Variants in GTF3C1 observed in about 807,000 individuals in gnomAD.
GTF3C1 encodes general transcription factor IIIC subunit 1.
GTF3C1 carries 57 observed loss-of-function variants against 226.7 expected under a neutral mutation model. That is an observed-to-expected ratio of 0.25 (90% CI 0.20 to 0.31). GTF3C1 has a LOEUF of 0.31. Among genes scored for constraint, GTF3C1 ranks in the 10% least tolerant of loss-of-function variants. The pLI, the probability that GTF3C1 is intolerant of heterozygous loss-of-function variation, is 1.00. For missense variants in GTF3C1, 2,217 were observed against 2,776.1 expected (o/e 0.80, Z 4.53); for synonymous variants, 1,090 against 1,084.8 (o/e 1.00, Z -0.09).
chr16:27,547,931 G>T (rs2089187680), intron 1 of GTF3C1, among the ~76,000 whole-genome samples: 1 of 152,130 alleles, frequency 6.6e-6, no homozygotes, highest in Non-Finnish European at 1.5e-5. Context: ...TAGGTTAAAA[G>T]ACTTGATTCC....
intron 29 of GTF3C1, among the ~76,000 whole-genome samples, chr16:27,472,606 G>A (rs2087892847): frequency 6.6e-6 from 1 of 152,194 alleles, no homozygotes; most frequent in Non-Finnish European, 1.5e-5. Context: ...CCACCACTCT[G>A]GCCTCACGTC....
In GTF3C1 at chr16:27,464,308, G is replaced by A. The variant is rs2087749359; in HGVS notation, c.5872+12C>T. The A allele has an allele frequency of 3.5e-6, 5 of 1,444,962 alleles. No individual in the cohort carries two copies. Among genetic ancestry groups the A allele is most frequent in the African/African-American group, 1.5e-5 (1 of 68,032 alleles). 89.5% of individuals were successfully genotyped at this position (1,444,962 alleles called of 1,614,324 possible). A position where few individuals can be genotyped will look rare whatever the true frequency, so the allele number is the denominator to read the frequency against. On this transcript the variant is annotated intron_variant, in intron 34 of 36. Coordinates refer to ENST00000356183, the MANE Select transcript of GTF3C1 (RefSeq NM_001520.4). ...TGGGGTGAGGTGGGGTGGGGGACAA[G>A]GCGCGCGGTACCTCTGGGGTCTTCA... is the stretch of plus-strand genomic sequence containing the variant.
intron 33 of GTF3C1, 57 bp from the exon 34 acceptor site, chr16:27,464,893 T>C: frequency 7.2e-7 from 1 of 1,391,596 alleles, no homozygotes; most frequent in Non-Finnish European, 9.5e-7. Flanking sequence ...TCCACGCTGG[T>C]GACGGGGGAC....
intron 19 of GTF3C1, 133 bp from the exon 20 acceptor site, chr16:27,489,876 T>C (rs2088207528): frequency 8.8e-6 from 7 of 791,174 alleles, no homozygotes; most frequent in Non-Finnish European, 1.2e-5. Context: ...TGCGGGGGTC[T>C]GAGATTGGTA....
intron 12 of GTF3C1, among the ~76,000 whole-genome samples, chr16:27,500,958 G>A (rs1161194215): frequency 6.6e-6 from 1 of 152,182 alleles, no homozygotes; most frequent in Non-Finnish European, 1.5e-5. Flanking sequence ...TGACCACAGG[G>A]CTGGATGCCT....
At chr16:27,476,571 C>G (rs2087953274) in intron 28 of GTF3C1, 27 bp from the exon 29 acceptor site, 2 of 1,294,506 alleles carry the variant, frequency 1.5e-6, no homozygotes, top group Admixed American at 3.4e-5. Context: ...AGCAGGGCAC[C>G]ATGAGACCAC....
intron 12 of GTF3C1, among the ~76,000 whole-genome samples, chr16:27,499,949 G>A (rs16976839): frequency 0.021 from 3,152 of 152,206 alleles, 60 homozygotes; most frequent in East Asian, 0.089. Context: ...CCTTCCAGCC[G>A]GAAAAACCAG....
Position 27,464,673 on chromosome 16 carries a change from G to C in GTF3C1, c.5519C>G (p.Ser1840Cys). 6.4e-7 allele frequency: 1 copy of C among 1,553,972 alleles called. No individual in the cohort carries two copies. Residue 1840 changes from serine (S) to cysteine (C), a missense_variant, in exon 34 of 37, where the codon TCT (serine) becomes TGT (cysteine). Coordinates refer to ENST00000356183, the MANE Select transcript of GTF3C1 (RefSeq NM_001520.4). ...EDPQARPLEG[S>C]SSEDSPPEGQ... ...CTCGGGGGGGCTGTCCTCACTGGAA[G>C]ACCCCTCCAGGGGTCTGGCCTGGGG...
At chr16:27,526,615 C>T (rs2088837723) in intron 6 of GTF3C1, among the ~76,000 whole-genome samples, 1 of 152,218 alleles carries the variant, frequency 6.6e-6, no homozygotes, top group Non-Finnish European at 1.5e-5. Flanking sequence ...TTGGCTATCG[C>T]CCTTCACAGG....
intron 2 of GTF3C1, among the ~76,000 whole-genome samples, chr16:27,540,181 C>G (rs528493106): frequency 6.6e-6 from 1 of 152,320 alleles, no homozygotes; most frequent in African/African-American, 2.4e-5. Flanking sequence ...AAAAAAGAGG[C>G]TGTTTTAACT....
At chr16:27,543,854 T>C (rs769984242) in intron 2 of GTF3C1, among the ~76,000 whole-genome samples, 17 of 152,162 alleles carry the variant, frequency 1.1e-4, no homozygotes, top group Non-Finnish European at 2.2e-4. Context: ...ACAGTGTTCA[T>C]GGCCCCATGG....
intron 12 of GTF3C1, 43 bp from the exon 13 acceptor site, chr16:27,498,776 C>T (rs2088359612): frequency 1.1e-6 from 1 of 913,254 alleles, no homozygotes; most frequent in Non-Finnish European, 1.8e-6. Flanking sequence ...GAGGGAAGAG[C>T]TGAGGAAGAC....
At chr16:27,481,459 G>A (rs1384855898) in intron 26 of GTF3C1, among the ~76,000 whole-genome samples, 1 of 151,952 alleles carries the variant, frequency 6.6e-6, no homozygotes, top group Non-Finnish European at 1.5e-5. Flanking sequence ...ACCCTGCATC[G>A]CTGGCACTCT....
At chr16:27,513,256 C>T (rs2088604088) in intron 6 of GTF3C1, among the ~76,000 whole-genome samples, 1 of 152,102 alleles carries the variant, frequency 6.6e-6, no homozygotes, top group African/African-American at 2.4e-5. Context: ...GAGTTTGACA[C>T]CAGCCTTGGC....
chr16:27,517,573 G>A (rs932522989), intron 6 of GTF3C1, among the ~76,000 whole-genome samples: 10 of 152,226 alleles, frequency 6.6e-5, no homozygotes, highest in Admixed American at 1.3e-4. Flanking sequence ...GGCACGAGGA[G>A]TTTCAGGCAT....
chr16:27,529,603 T>G (rs184523873), intron 5 of GTF3C1, among the ~76,000 whole-genome samples: 1 of 152,204 alleles, frequency 6.6e-6, no homozygotes, highest in South Asian at 2.1e-4. Context: ...CAGCCTCCAG[T>G]GCAGGCGGTG....
intron 29 of GTF3C1, among the ~76,000 whole-genome samples, chr16:27,473,781 G>A (rs548665393): frequency 6.6e-6 from 1 of 152,294 alleles, no homozygotes; most frequent in South Asian, 2.1e-4. Context: ...CGCCAGTCCT[G>A]GGCATGCAGA....
In GTF3C1 at chr16:27,508,529, CATG is replaced by C. The variant is rs1052700422; in HGVS notation, c.1242+8_1242+10del. On this transcript the variant is annotated splice_region_variant and intron_variant, in intron 8 of 36. Coordinates refer to ENST00000356183, the MANE Select transcript of GTF3C1 (RefSeq NM_001520.4). ...AGACAACGAGTGTTGGGGGAAGGCT[CATG>C]ATGTTACCTTGACAACTTTGAATCT... The C allele has an allele frequency of 6.3e-7, 1 of 1,590,468 alleles. No individual in the cohort carries two copies. The highest frequency in any genetic ancestry group is 8.6e-7 in the Non-Finnish European group (1 of 1,158,462).
At chr16:27,521,860 T>C (rs118190314) in intron 6 of GTF3C1, among the ~76,000 whole-genome samples, 263 of 152,312 alleles carry the variant, frequency 1.7e-3, no homozygotes, top group Middle Eastern at 6.8e-3. Context: ...TCACCTTTTA[T>C]CCTTTTTGTT....
Sources: gnomAD v4.1 joint callset for allele counts (sites outside exome capture counted in the v4.1 genomes callset) on GRCh38, gnomAD v4.1.1 for gene constraint, MANE v1.5 for transcripts, NCBI Gene and HGNC (gene_info 2026-07-23, HGNC 2026-07-21) for gene names.